Variants in MARCHF10 observed in about 807,000 individuals in gnomAD.
The protein encoded by MARCHF10 is probable E3 ubiquitin-protein ligase MARCHF10.
MARCHF10 carries 64 observed loss-of-function variants against 76.2 expected under a neutral mutation model. The observed-to-expected ratio is 0.84, with a 90% CI of 0.69 to 1.03. The LOEUF (loss-of-function observed/expected upper bound fraction) is 1.03. MARCHF10 is among the 50% of genes least tolerant of loss of function. The pLI is 0.00. For missense variants in MARCHF10, 875 were observed against 958.0 expected, an observed-to-expected ratio of 0.91 and a Z score of 1.14; for synonymous variants, 340 against 357.5, an observed-to-expected ratio of 0.95 and a Z score of 0.55.
intron 4 of MARCHF10, among the ~76,000 whole-genome samples, chr17:62,745,472 C>G (rs992018155): frequency 1.3e-5 from 2 of 152,166 alleles, no homozygotes; most frequent in African/African-American, 4.8e-5. Context: ...CTGTCAAGAG[C>G]CTTCTACAGT....
At chr17:62,705,167 G>T in intron 10 of MARCHF10, 1 of 1,190,398 alleles carries the variant, frequency 8.4e-7, no homozygotes, top group African/African-American at 1.6e-5. Flanking sequence ...AGGGCTTGGG[G>T]AGGGTTTTCC....
chr17:62,784,196 C>T lies in MARCHF10; in HGVS notation c.210+4284G>A, dbSNP rs2092709182. ...CCACCATGATCAAGTCCGCTTCATC[C>T]CTGGGATGCAAGGCTGGTTCAACAT... On this transcript the variant is annotated intron_variant, in intron 3 of 10. Transcript: ENST00000311269. Among the ~76,000 whole-genome samples, 3 of 152,176 alleles carry T rather than the reference C, an allele frequency of 2.0e-5. No homozygotes were observed. The South Asian group carries it at 6.2e-4, about 32-fold the overall frequency.
intron 2 of MARCHF10, among the ~76,000 whole-genome samples, chr17:62,799,442 C>T (rs1170731855): frequency 6.6e-6 from 1 of 152,184 alleles, no homozygotes; most frequent in African/African-American, 2.4e-5. Flanking sequence ...TCCAATAATT[C>T]TCACAGTGAT....
At chr17:62,773,670 G>A (rs1231030257) in intron 3 of MARCHF10, among the ~76,000 whole-genome samples, 1 of 152,180 alleles carries the variant, frequency 6.6e-6, no homozygotes, top group Non-Finnish European at 1.5e-5. Flanking sequence ...GGAGAGGGCG[G>A]TGATGGTGGG....
chr17:62,779,914 T>A (rs555956940), intron 3 of MARCHF10, among the ~76,000 whole-genome samples: 20 of 152,284 alleles, frequency 1.3e-4, no homozygotes, highest in African/African-American at 4.8e-4. Context: ...CTGGCCAACA[T>A]GGCAAGACCC....
At chr17:62,777,030 C>G (rs1266953224) in intron 3 of MARCHF10, among the ~76,000 whole-genome samples, 1 of 152,204 alleles carries the variant, frequency 6.6e-6, no homozygotes, top group Non-Finnish European at 1.5e-5. Flanking sequence ...AGATTGGCAG[C>G]CTTACCAAAC....
intron 3 of MARCHF10, among the ~76,000 whole-genome samples, chr17:62,778,422 G>A (rs1392161568): frequency 2.0e-5 from 3 of 152,174 alleles, no homozygotes; most frequent in African/African-American, 7.2e-5. Context: ...AAGACTGCCT[G>A]TAAGGGGAAA....
Position 62,736,996 on chromosome 17 carries a change from G to A in MARCHF10, c.872C>T (p.Thr291Ile). 2 of 1,614,134 alleles carry A rather than the reference G, an allele frequency of 1.2e-6. No individual in the cohort carries two copies. Among genetic ancestry groups the A allele is most frequent in the African/African-American group, 2.7e-5 (2 of 75,022 alleles). ...SLNSRRESDDTEEETQSEECL... is the reference protein window; with the variant it reads ...SLNSRRESDDIEEETQSEECL... ...TTCTTCAGACTGGGTTTCCTCTTCA[G>A]TGTCATCGCTTTCTCTTCTGCTGTT... Residue 291 changes from threonine (T) to isoleucine (I), a missense_variant, in exon 6 of 11, where the codon ACT (threonine) becomes ATT (isoleucine). Thr to Ile is a moderately conservative substitution (Grantham distance 89). Transcript: ENST00000311269.
At chr17:62,724,859 A>G in intron 7 of MARCHF10, 79 bp downstream of exon 7, 1 of 1,515,044 alleles carries the variant, frequency 6.6e-7, no homozygotes, top group Non-Finnish European at 9.0e-7. Context: ...GCTGATGACA[A>G]GGCTCCGGGG....
chr17:62,749,323 T>A (rs2091817923), intron 4 of MARCHF10, among the ~76,000 whole-genome samples: 1 of 152,210 alleles, frequency 6.6e-6, no homozygotes, highest in African/African-American at 2.4e-5. Context: ...GATAGTTCTT[T>A]ATAGACAAAG....
chr17:62,736,912 A>G lies in MARCHF10; in HGVS notation c.956T>C (p.Phe319Ser), dbSNP rs9891498. The G allele has an allele frequency of 0.38, 606,026 of 1,613,754 alleles. 117,196 individuals are homozygous for G. Among genetic ancestry groups the G allele is most frequent in the Admixed American group, 0.4 (24,201 of 59,976 alleles). Residue 319 changes from phenylalanine to serine, a missense_variant, in exon 6 of 11, where the codon TTT becomes TCT. Phe to Ser is a radical substitution (Grantham distance 155). Transcript: ENST00000311269. ...CSPSHHKRSRFGGTSTPQAKN... is the reference protein window; with the variant it reads ...CSPSHHKRSRSGGTSTPQAKN... ...GGCCTGAGGGGTCGATGTCCCCCCA[A>G]ATCTACTTCTTTTGTGATGGGAAGG...
At chr17:62,788,630 T>C (rs377189892) in intron 2 of MARCHF10, 31 bp from the exon 3 acceptor site, 24 of 1,612,644 alleles carry the variant, frequency 1.5e-5, no homozygotes, top group African/African-American at 1.3e-5. Flanking sequence ...AATGTTTGTC[T>C]TAGGACCATG....
chr17:62,720,860 ATTT>A (rs56688878), intron 8 of MARCHF10, among the ~76,000 whole-genome samples: 3 of 88,034 alleles, frequency 3.4e-5, no homozygotes, highest in Admixed American at 1.4e-4. Context: ...GTAAGTTGTG[ATTT>A]TTTTTTTTTT....
At chr17:62,754,584 CTGA>C (rs2091987315) in intron 4 of MARCHF10, among the ~76,000 whole-genome samples, 1 of 152,050 alleles carries the variant, frequency 6.6e-6, no homozygotes, top group East Asian at 1.9e-4. Context: ...TTCCATTTTA[CTGA>C]TGAGGAAACT....
intron 3 of MARCHF10, among the ~76,000 whole-genome samples, chr17:62,760,991 A>G (rs1203430183): frequency 6.6e-6 from 1 of 152,204 alleles, no homozygotes; most frequent in African/African-American, 2.4e-5. Context: ...TGCAATTTGT[A>G]TTGATCTTGC....
At chr17:62,739,252 T>G (rs1357299659) in intron 5 of MARCHF10, among the ~76,000 whole-genome samples, 1 of 151,928 alleles carries the variant, frequency 6.6e-6, no homozygotes, top group African/African-American at 2.4e-5. Context: ...TGAGCCCAGA[T>G]AGTACCACTG....
At chr17:62,739,067 G>A (rs1188455193) in intron 5 of MARCHF10, among the ~76,000 whole-genome samples, 1 of 152,212 alleles carries the variant, frequency 6.6e-6, no homozygotes, top group Non-Finnish European at 1.5e-5. Context: ...GAAAGGCCGA[G>A]GTGGGCAGAT....
At chr17:62,766,819 A>T (rs1051438241) in intron 3 of MARCHF10, among the ~76,000 whole-genome samples, 38 of 152,194 alleles carry the variant, frequency 2.5e-4, no homozygotes, top group African/African-American at 8.9e-4. Flanking sequence ...TCTGTGAAGG[A>T]TACAGAAATA....
In MARCHF10 at chr17:62,746,856, T is replaced by C. The variant is rs977938681; in HGVS notation, c.383-2328A>G. 6.5e-6 allele frequency: 10 copies of C among 1,528,314 alleles called. No homozygotes were observed. In the African/African-American group the frequency reaches 1.4e-4, roughly 21 times the overall value. 94.7% of individuals were successfully genotyped at this position (1,528,314 alleles called of 1,614,324 possible). On this transcript the variant is annotated intron_variant, in intron 4 of 10. Transcript: ENST00000311269. ...CCCAGAGGCCACTGAGCCCCGCCAC[T>C]GCATTCACCTTCACAGGGAGGGATG... is the stretch of plus-strand genomic sequence containing the variant.
Sources: gnomAD v4.1 joint callset for allele counts (sites outside exome capture counted in the v4.1 genomes callset) on GRCh38, gnomAD v4.1.1 for gene constraint, MANE v1.5 for transcripts, NCBI Gene and HGNC (gene_info 2026-07-23, HGNC 2026-07-21) for gene names.